The following RAB43 variants were observed in gnomAD, a reference collection of about 807,000 sequenced individuals.
RAB43 encodes the protein RAB43, member RAS oncogene family.
In RAB43, 6 loss-of-function variants were observed where a neutral mutation model predicts 18.8. The ratio of observed to expected loss-of-function variants is 0.32; its 90% CI spans 0.17 to 0.63. RAB43 has a LOEUF of 0.63. RAB43 is among the 30% of genes least tolerant of loss of function. RAB43 has a pLI of 0.79. For missense variants in RAB43, 195 were observed against 289.1 expected (o/e 0.67, Z 2.36); for synonymous variants, 103 against 124.1 (o/e 0.83, Z 1.13).
intron 1 of RAB43, among the ~76,000 whole-genome samples, chr3:129,101,701 G>T (rs1934423124): frequency 6.6e-6 from 1 of 152,248 alleles, no homozygotes; most frequent in East Asian, 1.9e-4. Context: ...TGGCCGTGAA[G>T]AAGGAAACTG....
chr3:129,113,784 T>G (rs908584920), intron 1 of RAB43, among the ~76,000 whole-genome samples: 3 of 152,104 alleles, frequency 2.0e-5, no homozygotes, highest in African/African-American at 7.2e-5. Context: ...ATCCCAGCAC[T>G]TTGGGAGGCT....
At position 129,107,838 on chromosome 3, in the gene RAB43, C is replaced by T. The variant is rs994649595; in HGVS notation, c.205-12669G>A. Among the ~76,000 whole-genome samples, 3 of 152,190 alleles carry T rather than the reference C, an allele frequency of 2.0e-5. No individual in the cohort carries two copies. Among genetic ancestry groups the T allele is most frequent in the African/African-American group, 4.8e-5 (2 of 41,456 alleles). ...AGTTCCCTGCTACTTTGGTCATCAA[C>T]GATGGCCCAGACTGGCCTCACGAGT... On this transcript the variant is annotated intron_variant, in intron 1 of 2. Coordinates refer to ENST00000315150, the MANE Select transcript of RAB43 (RefSeq NM_198490.3). This position sits in a 1 kb window ranked among gnomAD's most constrained non-coding sequence, Gnocchi z 4.2.
intron 1 of RAB43, among the ~76,000 whole-genome samples, chr3:129,113,864 T>C (rs1450876621): frequency 6.6e-6 from 1 of 151,848 alleles, no homozygotes; most frequent in Non-Finnish European, 1.5e-5. Context: ...CCGTCTCTAC[T>C]AAAAATACAA....
chr3:129,114,367 G>C (rs1364034033), intron 1 of RAB43, among the ~76,000 whole-genome samples: 2 of 152,144 alleles, frequency 1.3e-5, no homozygotes, highest in Non-Finnish European at 2.9e-5. Flanking sequence ...CAGCAATGAG[G>C]AGAAAAGTAC....
intron 1 of RAB43, among the ~76,000 whole-genome samples, chr3:129,104,296 T>G (rs1283058373): frequency 1.3e-5 from 2 of 152,176 alleles, no homozygotes; most frequent in Admixed American, 6.5e-5. Flanking sequence ...GCTCTCCTCC[T>G]GCACACTCAC....
intron 2 of RAB43, 26 bp from the exon 3 acceptor site, chr3:129,091,372 G>C (rs780955279): frequency 3.1e-6 from 5 of 1,597,494 alleles, no homozygotes; most frequent in Admixed American, 1.7e-5. Context: ...GGGGCAGCAT[G>C]AGGCCATGGG....
At chr3:129,115,756 G>A (rs1334899795) in intron 1 of RAB43, among the ~76,000 whole-genome samples, 1 of 151,428 alleles carries the variant, frequency 6.6e-6, no homozygotes, top group Non-Finnish European at 1.5e-5. Flanking sequence ...GGGAGGTGGA[G>A]GTTCCAGTGA....
intron 1 of RAB43, among the ~76,000 whole-genome samples, chr3:129,115,281 A>G (rs1405262641): frequency 1.3e-5 from 2 of 151,678 alleles, no homozygotes; most frequent in African/African-American, 2.4e-5. Flanking sequence ...TGAGGTCGGG[A>G]GTTCGAAACC....
intron 1 of RAB43, among the ~76,000 whole-genome samples, chr3:129,114,455 G>C (rs1935365388): frequency 1.3e-5 from 2 of 152,152 alleles, no homozygotes; most frequent in African/African-American, 4.8e-5. Flanking sequence ...CTGTAAGATG[G>C]GGATAGTCTC....
At chr3:129,112,924 AT>A (rs1444284986) in intron 1 of RAB43, among the ~76,000 whole-genome samples, 1 of 151,328 alleles carries the variant, frequency 6.6e-6, no homozygotes, top group Admixed American at 6.6e-5. Context: ...CTAATTATTA[AT>A]TTTTTTGTAG....
intron 1 of RAB43, among the ~76,000 whole-genome samples, chr3:129,110,478 A>G (rs1389724026): frequency 3.3e-5 from 5 of 152,252 alleles, no homozygotes; most frequent in African/African-American, 1.2e-4. Flanking sequence ...CAAGTGAAGT[A>G]TGACTTGGGG....
intron 1 of RAB43, among the ~76,000 whole-genome samples, chr3:129,119,317 G>C (rs1321344506): frequency 1.3e-5 from 2 of 152,200 alleles, no homozygotes; most frequent in African/African-American, 4.8e-5. Context: ...CAGTGAGTTA[G>C]ACTTCAGGTT....
chr3:129,121,509 G>A lies in RAB43; in HGVS notation c.-20C>T, dbSNP rs747060189. Reference sequence around the variant, plus strand: ...TGCCATGGCCTAGAAGAAGCCGAAGGGCCGGCGCTCTGGACGCTGGGACCG... The same window carrying A: ...TGCCATGGCCTAGAAGAAGCCGAAGAGCCGGCGCTCTGGACGCTGGGACCG... On this transcript the variant is annotated 5_prime_UTR_variant, in exon 1 of 3. Transcript: ENST00000315150. 1 of 1,585,928 alleles carries A rather than the reference G, an allele frequency of 6.3e-7. No homozygotes were observed. The highest frequency in any genetic ancestry group is 1.8e-5 in the Admixed American group (1 of 55,796).
At chr3:129,092,747 G>T (rs1576813822) in intron 2 of RAB43, among the ~76,000 whole-genome samples, 2 of 151,884 alleles carry the variant, frequency 1.3e-5, no homozygotes, top group Non-Finnish European at 2.9e-5. Flanking sequence ...ACGAGGTCAG[G>T]AAATCGAGAC....
chr3:129,104,989 T>C (rs553804474), intron 1 of RAB43, among the ~76,000 whole-genome samples: 5 of 152,288 alleles, frequency 3.3e-5, no homozygotes, highest in Middle Eastern at 3.4e-3. Flanking sequence ...CTCTTGCCCC[T>C]ACAACAACAC....
In RAB43 at chr3:129,121,738, C is replaced by G. The variant is rs1467526137; in HGVS notation, c.-249G>C. The G allele has an allele frequency of 3.0e-4, 81 of 268,618 alleles. No homozygotes were observed. Among genetic ancestry groups the G allele is most frequent in the African/African-American group, 1.7e-3 (74 of 44,410 alleles). 16.6% of individuals were successfully genotyped at this position (268,618 alleles called of 1,614,324 possible). ...GGTGCCCCGCGGGTTCGGCTCCCCC[C>G]CGGACCCGCCAAGCCGGGCCCTCCG... is the stretch of plus-strand genomic sequence containing the variant. On this transcript the variant is annotated 5_prime_UTR_variant, in exon 1 of 3. Transcript: ENST00000315150.
intron 1 of RAB43, among the ~76,000 whole-genome samples, chr3:129,106,596 C>T (rs992415820): frequency 7.2e-5 from 11 of 152,202 alleles, no homozygotes; most frequent in Non-Finnish European, 1.0e-4. Context: ...TCTGGCCAGA[C>T]AGGTGGAGAG....
rs1308945676 is a variant in RAB43 at position 129,095,261 on chromosome 3, G to A, written c.205-92C>T. The stretch of plus-strand genomic sequence containing the variant: ...CCCACAGACCCACACCCAGAGCTGT[G>A]GTTCCACTGGGCTAGGAGGCCTTCT... On this transcript the variant is annotated intron_variant, in intron 1 of 2. Transcript: ENST00000315150. The surrounding 1 kb of genome is among the most constrained non-coding windows in gnomAD (Gnocchi z 4.2). 2.0e-6 allele frequency: 3 copies of A among 1,490,056 alleles called. No individual in the cohort carries two copies. The highest frequency in any genetic ancestry group is 2.4e-5 in the Admixed American group (1 of 42,430). 92.3% of individuals were successfully genotyped at this position (1,490,056 alleles called of 1,614,324 possible). A position where few individuals can be genotyped will look rare whatever the true frequency, so the allele number is the denominator to read the frequency against.
chr3:129,100,267 T>G (rs116521899), intron 1 of RAB43, among the ~76,000 whole-genome samples: 1 of 152,218 alleles, frequency 6.6e-6, no homozygotes. Context: ...GCTGAAGTAC[T>G]TGTCAAACAA....
Sources: allele counts gnomAD v4.1 joint callset (sites outside exome capture counted in the v4.1 genomes callset), GRCh38; gene constraint gnomAD v4.1.1; non-coding constraint Gnocchi (gnomAD v3.1); transcripts MANE v1.5; gene names NCBI Gene and HGNC (gene_info 2026-07-23, HGNC 2026-07-21).